Variants in IFT80 observed in about 807,000 individuals in gnomAD.
IFT80 encodes intraflagellar transport protein 80 homolog.
In IFT80, 79 loss-of-function variants were observed where a neutral mutation model predicts 107.9. The observed-to-expected ratio is 0.73, with a 90% CI of 0.61 to 0.88. IFT80 has a LOEUF of 0.88. Among genes scored for constraint, IFT80 ranks in the 40% least tolerant of loss-of-function variants. The probability of loss-of-function intolerance (pLI) is 0.00; values close to 1 mark genes in which losing one functional copy is unlikely to be tolerated. For missense variants in IFT80, 797 were observed against 914.2 expected (o/e 0.87, Z 1.65); for synonymous variants, 299 against 300.9 (o/e 0.99, Z 0.07).
chr3:160,288,378 T>C (rs1048423917), intron 12 of IFT80, among the ~76,000 whole-genome samples: 7 of 151,864 alleles, frequency 4.6e-5, no homozygotes, highest in African/African-American at 1.7e-4. Flanking sequence ...AACAAAACTA[T>C]AAAAACCCTG....
At chr3:160,311,331 T>G (rs1717232804) in intron 9 of IFT80, among the ~76,000 whole-genome samples, 1 of 152,190 alleles carries the variant, frequency 6.6e-6, no homozygotes, top group African/African-American at 2.4e-5. Context: ...GGGCTTTATT[T>G]CCTGATAAAA....
chr3:160,274,874 C>T (rs766304651), intron 18 of IFT80, among the ~76,000 whole-genome samples: 15 of 152,154 alleles, frequency 9.9e-5, no homozygotes, highest in Admixed American at 5.2e-4. Flanking sequence ...GAGCCGAGAT[C>T]GTGCCGCCGC....
chr3:160,311,733 A>G (rs1048134371), intron 9 of IFT80, among the ~76,000 whole-genome samples: 19 of 152,184 alleles, frequency 1.2e-4, no homozygotes, highest in Non-Finnish European at 8.8e-5. Flanking sequence ...CCTCTACTTG[A>G]GAAGGCTGGA....
intron 8 of IFT80, among the ~76,000 whole-genome samples, chr3:160,336,402 G>A (rs1576828879): frequency 1.3e-5 from 2 of 152,072 alleles, no homozygotes; most frequent in African/African-American, 4.8e-5. Context: ...TTTCTAAAAA[G>A]TTAATTTTTA....
rs1348236149 is a variant in IFT80, at chr3:160,326,531, A to C, written c.778-6592T>G. 3.3e-5 allele frequency among the ~76,000 whole-genome samples: 5 copies of C among 152,332 alleles called. No homozygotes were observed. In the South Asian group the frequency reaches 8.3e-4, roughly 25 times the overall value. On this transcript the variant is annotated intron_variant, in intron 8 of 19. Transcript: ENST00000326448. ...AAGGCTGATTCAACATACATGAATC[A>C]ATAAATGTGATTCATTACATAAACA...
chr3:160,375,107 G>T (rs1343131509), intron 5 of IFT80, among the ~76,000 whole-genome samples: 1 of 152,068 alleles, frequency 6.6e-6, no homozygotes, highest in Non-Finnish European at 1.5e-5. Flanking sequence ...TAGTTCTGAG[G>T]AATAGTCAGC....
rs182131788 is a variant in IFT80 at position 160,290,104 on chromosome 3, C to T, written c.1316-4236G>A. 9.9e-5 allele frequency among the ~76,000 whole-genome samples: 15 copies of T among 152,224 alleles called. No individual in the cohort carries two copies. In the East Asian group the frequency reaches 2.9e-3, roughly 29 times the overall value. On this transcript the variant is annotated intron_variant, in intron 12 of 19. Transcript: ENST00000326448. ...GATATTATGTCTGACCAGAACACCTCCCCCACCTACTACTGAAAGTCCTAA... is the reference window on the plus strand; with the variant it reads ...GATATTATGTCTGACCAGAACACCTTCCCCACCTACTACTGAAAGTCCTAA...
rs1717400869 is a variant in IFT80 at position 160,312,697 on chromosome 3, A to ATAT, written c.958-4917_958-4916insATA. Among the ~76,000 whole-genome samples, 6 of 46,056 alleles carry ATAT rather than the reference A, an allele frequency of 1.3e-4. No homozygotes were observed. The South Asian group carries it at 3.1e-3, about 24-fold the overall frequency. The allele number at this position is 46,056 out of a possible 152,430, so 30.2% of individuals were successfully genotyped here. On this transcript the variant is annotated intron_variant, in intron 9 of 19. Coordinates refer to ENST00000326448, the MANE Select transcript of IFT80 (RefSeq NM_020800.3). ...TATATAATAAATATATATTATATAT[A>ATAT]AATATATAATATATAATATATATAA...
At chr3:160,310,095 G>A (rs1228863154) in intron 9 of IFT80, among the ~76,000 whole-genome samples, 1 of 152,130 alleles carries the variant, frequency 6.6e-6, no homozygotes, top group Non-Finnish European at 1.5e-5. Flanking sequence ...ATGAACACAC[G>A]TTATTTACAG....
intron 19 of IFT80, among the ~76,000 whole-genome samples, chr3:160,267,160 C>T (rs918617149): frequency 6.6e-6 from 1 of 152,174 alleles, no homozygotes; most frequent in Non-Finnish European, 1.5e-5. Context: ...AGAATGGTCT[C>T]AAAGGCCTCA....
chr3:160,315,176 G>T lies in IFT80; in HGVS notation c.957+4584C>A, dbSNP rs541836847. On this transcript the variant is annotated intron_variant, in intron 9 of 19. Transcript: ENST00000326448. ...AGATTAGAGCTCACTGAATCCACATGTTGCAAGTGAAAACAGGTACAGGGA... is the reference window on the plus strand; with the variant it reads ...AGATTAGAGCTCACTGAATCCACATTTTGCAAGTGAAAACAGGTACAGGGA... Among the ~76,000 whole-genome samples, 350 of 152,138 alleles carry T rather than the reference G, an allele frequency of 2.3e-3. 3 individuals carry two copies. The highest frequency in any genetic ancestry group is 7.8e-3 in the African/African-American group (323 of 41,540).
chr3:160,266,175 C>G (rs926923902), intron 19 of IFT80, among the ~76,000 whole-genome samples: 3 of 151,384 alleles, frequency 2.0e-5, no homozygotes, highest in Admixed American at 6.6e-5. Context: ...AAAAAAAACC[C>G]TAAAATACCT....
Position 160,381,606 on chromosome 3 carries a change from C to T in IFT80, c.156G>A (p.Lys52=), listed in dbSNP as rs746919440. ...CAATAGGGTAAATATCATCAGGAAGCTTTACTATTTGAGTTGTTTCACTGG... is the reference window on the plus strand; with the variant it reads ...CAATAGGGTAAATATCATCAGGAAGTTTTACTATTTGAGTTGTTTCACTGG... ...LLTSETTQIV[K]LPDDIYPIDF... Residue 52 remains lysine (K), a synonymous_variant, in exon 3 of 20, where the codon AAG becomes AAA. Transcript: ENST00000326448. 4 of 1,613,196 alleles carry T rather than the reference C, an allele frequency of 2.5e-6. No homozygotes were observed. The highest frequency in any genetic ancestry group is 2.7e-5 in the African/African-American group (2 of 74,852).
intron 8 of IFT80, among the ~76,000 whole-genome samples, chr3:160,344,238 T>A (rs1378404664): frequency 6.6e-6 from 1 of 152,206 alleles, no homozygotes; most frequent in Non-Finnish European, 1.5e-5. Context: ...TCTATTACAT[T>A]CCTTTTGTAT....
At chr3:160,366,467 C>T (rs554349201) in intron 5 of IFT80, among the ~76,000 whole-genome samples, 2 of 151,986 alleles carry the variant, frequency 1.3e-5, no homozygotes, top group African/African-American at 2.4e-5. Context: ...AATAAATATA[C>T]TTCATTTTTA....
chr3:160,289,744 G>A (rs964265422), intron 12 of IFT80, among the ~76,000 whole-genome samples: 1 of 152,148 alleles, frequency 6.6e-6, no homozygotes, highest in African/African-American at 2.4e-5. Flanking sequence ...CTGGAGCAAT[G>A]GTCTACCAAT....
intron 12 of IFT80, among the ~76,000 whole-genome samples, chr3:160,295,876 GCT>G (rs1715935866): frequency 6.6e-6 from 1 of 152,196 alleles, no homozygotes; most frequent in Admixed American, 6.5e-5. Flanking sequence ...CGGACATTAT[GCT>G]AACTGAAAAG....
intron 18 of IFT80, 52 bp from the exon 19 acceptor site, chr3:160,268,588 G>A (rs2108210147): frequency 6.4e-7 from 1 of 1,555,374 alleles, no homozygotes; most frequent in Non-Finnish European, 8.9e-7. Context: ...CAGACTCCAT[G>A]AGTAGTAGAG....
intron 8 of IFT80, among the ~76,000 whole-genome samples, chr3:160,337,468 G>GA (rs1185547830): frequency 6.6e-6 from 1 of 151,344 alleles, no homozygotes; most frequent in Non-Finnish European, 1.5e-5. Flanking sequence ...CTAAAAATAC[G>GA]AAAAAAAATA....
Sources: gnomAD v4.1 joint callset for allele counts (sites outside exome capture counted in the v4.1 genomes callset) on GRCh38, gnomAD v4.1.1 for gene constraint, MANE v1.5 for transcripts, NCBI Gene and HGNC (gene_info 2026-07-23, HGNC 2026-07-21) for gene names.